The following MTMR12 variants were observed in gnomAD, a reference collection of about 807,000 sequenced individuals.
MTMR12 encodes myotubularin-related protein 12.
MTMR12 carries 33 observed loss-of-function variants against 96.7 expected under a neutral mutation model. The observed-to-expected ratio is 0.34, with a 90% CI of 0.26 to 0.46. The LOEUF (loss-of-function observed/expected upper bound fraction) is 0.46, where lower values mean the gene tolerates loss of function less well. MTMR12 is among the 20% of genes least tolerant of loss of function. The probability of loss-of-function intolerance (pLI) is 1.00; values close to 1 mark genes in which losing one functional copy is unlikely to be tolerated. For synonymous variants in MTMR12, 298 were observed against 327.2 expected, an observed-to-expected ratio of 0.91 and a Z score of 0.96; for missense variants, 721 against 896.1, an observed-to-expected ratio of 0.80 and a Z score of 2.49.
At chr5:32,276,567 T>A in intron 2 of MTMR12, 115 bp downstream of exon 2, 1 of 838,846 alleles carries the variant, frequency 1.2e-6, no homozygotes, top group Non-Finnish European at 1.9e-6. Context: ...AATTCATTAC[T>A]GTTATATGTG....
chr5:32,249,953 T>C (rs547175832), intron 8 of MTMR12, among the ~76,000 whole-genome samples: 96 of 152,324 alleles, frequency 6.3e-4, no homozygotes, highest in Middle Eastern at 6.8e-3. Context: ...GACCAAGCCA[T>C]TGGCCTGGGC....
At chr5:32,263,352 T>C (rs1749448675) in intron 6 of MTMR12, 110 bp from the exon 7 acceptor site, 5 of 1,312,862 alleles carry the variant, frequency 3.8e-6, no homozygotes, top group South Asian at 2.8e-5. Flanking sequence ...AGCCCATTTT[T>C]ATCCAAGCAG....
At chr5:32,307,441 G>A (rs1751405610) in intron 1 of MTMR12, among the ~76,000 whole-genome samples, 1 of 152,070 alleles carries the variant, frequency 6.6e-6, no homozygotes, top group South Asian at 2.1e-4. Flanking sequence ...CAGCCATCAG[G>A]TACCATCAAG....
At chr5:32,267,865 C>G (rs114735727) in intron 6 of MTMR12, among the ~76,000 whole-genome samples, 1,918 of 152,138 alleles carry the variant, frequency 0.013, 30 homozygotes, top group African/African-American at 0.043. Flanking sequence ...GACGGAGTCT[C>G]ATTCTATTGC....
In MTMR12 at chr5:32,243,523, G is replaced by A; in HGVS notation, c.1098C>T (p.Ile366=). 6.2e-7 allele frequency: 1 copy of A among 1,607,130 alleles called. No homozygotes were observed. The highest frequency in any genetic ancestry group is 2.2e-5 in the East Asian group (1 of 44,820). Reference sequence around the variant, plus strand: ...AGTAAAACAATGGTTTGAAATACCTGATTATGTCAAGCCAGCTGCTACTTT... The same window carrying A: ...AGTAAAACAATGGTTTGAAATACCTAATTATGTCAAGCCAGCTGCTACTTT... The part of the protein sequence containing the change: ...LLESSSWLDI[I]RRCLKKAIEI... Residue 366 remains isoleucine, a splice_region_variant and synonymous_variant, in exon 11 of 16, where the codon ATC becomes ATT. Transcript: ENST00000382142.
At chr5:32,305,936 G>A (rs1751341711) in intron 1 of MTMR12, among the ~76,000 whole-genome samples, 1 of 151,800 alleles carries the variant, frequency 6.6e-6, no homozygotes, top group Admixed American at 6.6e-5. Flanking sequence ...TACCGCAAGT[G>A]CTGAGTAAAT....
chr5:32,253,088 A>G (rs1749004066), intron 8 of MTMR12, among the ~76,000 whole-genome samples: 1 of 152,232 alleles, frequency 6.6e-6, no homozygotes, highest in African/African-American at 2.4e-5. Flanking sequence ...ACGAGGGGAC[A>G]TTTGGCAATA....
intron 4 of MTMR12, among the ~76,000 whole-genome samples, chr5:32,271,625 G>C (rs1473664904): frequency 6.6e-6 from 1 of 152,080 alleles, no homozygotes; most frequent in Non-Finnish European, 1.5e-5. Context: ...AAAAGAACAG[G>C]TTCCAAGTTC....
chr5:32,254,729 A>G (rs1370251231), intron 8 of MTMR12, among the ~76,000 whole-genome samples: 1 of 152,132 alleles, frequency 6.6e-6, no homozygotes, highest in African/African-American at 2.4e-5. Context: ...CTCTAATCCC[A>G]GTTACTCGGG....
intron 6 of MTMR12, 56 bp downstream of exon 6, chr5:32,268,645 G>A: frequency 1.4e-6 from 2 of 1,450,444 alleles, no homozygotes; most frequent in Non-Finnish European, 1.9e-6. Flanking sequence ...ACTGGCTTCA[G>A]GTGGGAATTG....
intron 9 of MTMR12, 95 bp downstream of exon 9, chr5:32,248,677 G>T: frequency 1.1e-6 from 1 of 897,818 alleles, no homozygotes; most frequent in Non-Finnish European, 1.8e-6. Context: ...TAAGCTACCA[G>T]TAGGTAAACA....
chr5:32,238,261 G>C (rs544334015), intron 13 of MTMR12, among the ~76,000 whole-genome samples: 8 of 152,066 alleles, frequency 5.3e-5, no homozygotes, highest in African/African-American at 1.9e-4. Flanking sequence ...CTGGAGTGCA[G>C]TGGCACAATC....
At chr5:32,299,055 GCA>G (rs1177859898) in intron 1 of MTMR12, among the ~76,000 whole-genome samples, 2 of 148,972 alleles carry the variant, frequency 1.3e-5, no homozygotes, top group East Asian at 1.9e-4. Context: ...ACATGAATGC[GCA>G]CACACACACA....
At chr5:32,282,135 C>T (rs1750321848) in intron 1 of MTMR12, among the ~76,000 whole-genome samples, 1 of 152,136 alleles carries the variant, frequency 6.6e-6, no homozygotes, top group Non-Finnish European at 1.5e-5. Flanking sequence ...GTAATCCTGG[C>T]ACTTTGGGAG....
chr5:32,276,607 A>G lies in MTMR12; in HGVS notation c.142+75T>C, dbSNP rs965285165. ...GATGAAAACAAAGGAGTTTAAATATAGCAAGGCTAGGGATGATGTAATTTA... is the reference window on the plus strand; with the variant it reads ...GATGAAAACAAAGGAGTTTAAATATGGCAAGGCTAGGGATGATGTAATTTA... On this transcript the variant is annotated intron_variant, in intron 2 of 15. Coordinates refer to ENST00000382142, the MANE Select transcript of MTMR12 (RefSeq NM_001040446.3). The G allele has an allele frequency of 8.7e-6, 11 of 1,270,842 alleles. No homozygotes were observed. The South Asian group carries it at 1.1e-4, about 13-fold the overall frequency. 78.7% of individuals were successfully genotyped at this position (1,270,842 alleles called of 1,614,324 possible).
intron 1 of MTMR12, among the ~76,000 whole-genome samples, chr5:32,292,222 C>T (rs1750763460): frequency 6.6e-6 from 1 of 152,240 alleles, no homozygotes; most frequent in East Asian, 1.9e-4. Context: ...CTCTAGAAGG[C>T]CATGTATGCT....
In MTMR12 at chr5:32,248,842, A is replaced by G. The variant is rs1215428545; in HGVS notation, c.826T>C (p.Leu276=). 6.2e-7 allele frequency: 1 copy of G among 1,614,186 alleles called. No individual in the cohort carries two copies. The highest frequency in any genetic ancestry group is 1.1e-5 in the South Asian group (1 of 91,084). The part of the protein sequence containing the change: ...CWSCHNGSAL[L]KMSALPKEQD... ...TCTTTGGGCAGTGCTGACATTTTCA[A>G]AAGGGCACTTCCATTGTGGCAGGAC... Residue 276 remains leucine, a synonymous_variant, in exon 9 of 16, where the codon TTG becomes CTG. Coordinates refer to ENST00000382142, the MANE Select transcript of MTMR12 (RefSeq NM_001040446.3).
intron 1 of MTMR12, among the ~76,000 whole-genome samples, chr5:32,310,783 T>C (rs1751552460): frequency 6.6e-6 from 1 of 152,122 alleles, no homozygotes; most frequent in Admixed American, 6.5e-5. Flanking sequence ...TTAAAGAGTA[T>C]AATTGGATAG....
chr5:32,242,400 T>C (rs1448046156), intron 11 of MTMR12, among the ~76,000 whole-genome samples: 3 of 152,198 alleles, frequency 2.0e-5, no homozygotes, highest in Non-Finnish European at 4.4e-5. Context: ...CTAGACATTC[T>C]TATTAAAAAC....
Sources: allele counts gnomAD v4.1 joint callset (sites outside exome capture counted in the v4.1 genomes callset), GRCh38; gene constraint gnomAD v4.1.1; transcripts MANE v1.5; gene names NCBI Gene and HGNC (gene_info 2026-07-23, HGNC 2026-07-21).